FHIT: variants seen among roughly 807,000 people sequenced by gnomAD.
FHIT encodes fragile histidine triad diadenosine triphosphatase.
A neutral mutation model predicts 17.9 loss-of-function variants in FHIT; 19 were observed. That is an observed-to-expected ratio of 1.06 (90% CI 0.74 to 1.56). The LOEUF (loss-of-function observed/expected upper bound fraction) is 1.56. FHIT is among the 40% of genes most tolerant of loss of function. The pLI is 0.00. For synonymous variants in FHIT, 81 were observed against 69.7 expected (o/e 1.16, Z -0.81); for missense variants, 248 against 189.2 (o/e 1.31, Z -1.82).
chr3:60,700,096 A>G (rs1228774218), intron 4 of FHIT, among the ~76,000 whole-genome samples: 1 of 148,348 alleles, frequency 6.7e-6, no homozygotes, highest in Admixed American at 6.9e-5. Context: ...ACGCCACTGC[A>G]CTCCAGCCTG....
chr3:60,095,954 G>C (rs4679630), intron 5 of FHIT, among the ~76,000 whole-genome samples: 1 of 151,958 alleles, frequency 6.6e-6, no homozygotes, highest in East Asian at 1.9e-4. Context: ...CACCTCCCCA[G>C]GTGGCTGGCT....
At chr3:60,659,629 C>A (rs1553690552) in intron 4 of FHIT, among the ~76,000 whole-genome samples, 1 of 151,976 alleles carries the variant, frequency 6.6e-6, no homozygotes, top group African/African-American at 2.4e-5. Flanking sequence ...TTTACTTTTT[C>A]TGAATCTCTG....
intron 4 of FHIT, among the ~76,000 whole-genome samples, chr3:60,635,493 C>G (rs2039560479): frequency 1.3e-5 from 2 of 152,208 alleles, no homozygotes; most frequent in African/African-American, 4.8e-5. Flanking sequence ...TTCCCCACCT[C>G]TACTACCTGG....
intron 7 of FHIT, among the ~76,000 whole-genome samples, chr3:59,996,771 T>C (rs986622833): frequency 2.0e-5 from 3 of 152,082 alleles, no homozygotes; most frequent in East Asian, 3.9e-4. Context: ...AGAAAAGTAA[T>C]TGAGAATGTA....
At chr3:59,993,674 C>T (rs964408795) in intron 7 of FHIT, among the ~76,000 whole-genome samples, 10 of 151,838 alleles carry the variant, frequency 6.6e-5, no homozygotes, top group African/African-American at 9.7e-5. Context: ...ATGAGGCCGG[C>T]GCCACCAAAA....
chr3:60,971,797 T>TA (rs1204806744), intron 3 of FHIT, among the ~76,000 whole-genome samples: 1 of 152,128 alleles, frequency 6.6e-6, no homozygotes, highest in African/African-American at 2.4e-5. Context: ...TTCATTAAAA[T>TA]AAAAAAATAA....
intron 5 of FHIT, among the ~76,000 whole-genome samples, chr3:60,356,129 TACATTTATGAGTG>T (rs1699643147): frequency 6.6e-6 from 1 of 152,212 alleles, no homozygotes; most frequent in Middle Eastern, 3.2e-3. Flanking sequence ...AATTTTATGT[TACATTTATGAGTG>T]GTATTTAAAA....
intron 5 of FHIT, among the ~76,000 whole-genome samples, chr3:60,402,085 C>T (rs1246756020): frequency 6.6e-6 from 1 of 152,122 alleles, no homozygotes; most frequent in African/African-American, 2.4e-5. Context: ...TTCCCCCATC[C>T]CTGCCAGCTC....
rs72428863 is a variant in FHIT at position 60,129,053 on chromosome 3, G to GTT, written c.104-114903_104-114902dup. 7.5e-3 allele frequency among the ~76,000 whole-genome samples: 925 copies of GTT among 123,466 alleles called. 25 individuals carry two copies. The highest frequency in any genetic ancestry group is 0.028 in the African/African-American group (820 of 29,112). The allele number at this position is 123,466 out of a possible 152,430, so 81.0% of individuals were successfully genotyped here. On this transcript the variant is annotated intron_variant, in intron 5 of 9. Transcript: ENST00000492590. The stretch of plus-strand genomic sequence containing the variant: ...CCTTTTCTTCTTTCCTTTTTTGTTT[G>GTT]TTTTTTTTTTTTTTTTTGAAACAGA...
intron 7 of FHIT, among the ~76,000 whole-genome samples, chr3:59,956,393 G>C (rs543530539): frequency 6.6e-6 from 1 of 152,300 alleles, no homozygotes; most frequent in Admixed American, 6.5e-5. Flanking sequence ...AAAAAGGCCG[G>C]GCATGGTGGC....
chr3:59,947,517 G>A (rs1257180987), intron 7 of FHIT, among the ~76,000 whole-genome samples: 2 of 152,046 alleles, frequency 1.3e-5, no homozygotes. Context: ...ATTCAGTTTA[G>A]CTCCGATTTT....
intron 5 of FHIT, among the ~76,000 whole-genome samples, chr3:60,406,772 CCTT>C (rs1701877104): frequency 1.3e-5 from 2 of 152,110 alleles, no homozygotes; most frequent in South Asian, 2.1e-4. Context: ...TATCCCAAAA[CCTT>C]CTTCCCTAAT....
intron 2 of FHIT, among the ~76,000 whole-genome samples, chr3:61,191,277 A>G (rs907060320): frequency 6.6e-6 from 1 of 152,118 alleles, no homozygotes; most frequent in Non-Finnish European, 1.5e-5. Flanking sequence ...TTTGTTGAAC[A>G]GAAGAAAAGG....
intron 8 of FHIT, among the ~76,000 whole-genome samples, chr3:59,841,267 T>C (rs556259714): frequency 1.3e-3 from 203 of 152,270 alleles, no homozygotes; most frequent in Non-Finnish European, 2.5e-3. Context: ...ACCCATATTG[T>C]GGTAGGCACA....
chr3:59,931,485 G>A (rs1254823756), intron 7 of FHIT, among the ~76,000 whole-genome samples: 1 of 152,104 alleles, frequency 6.6e-6, no homozygotes, highest in Non-Finnish European at 1.5e-5. Flanking sequence ...TTAGTGGCCT[G>A]TCAAAATGCA....
chr3:60,490,302 C>A (rs9877308), intron 5 of FHIT, among the ~76,000 whole-genome samples: 13,732 of 151,946 alleles, frequency 0.09, 1,050 homozygotes, highest in East Asian at 0.39. Context: ...GTTACTGCTT[C>A]AAAATAAACT....
At chr3:60,094,346 G>T (rs1703852036) in intron 5 of FHIT, among the ~76,000 whole-genome samples, 1 of 151,982 alleles carries the variant, frequency 6.6e-6, no homozygotes, top group South Asian at 2.1e-4. Context: ...GGGATGACAG[G>T]TCTGCTTCAT....
chr3:59,764,942 A>T (rs537391398), intron 8 of FHIT, among the ~76,000 whole-genome samples: 2 of 150,136 alleles, frequency 1.3e-5, no homozygotes, highest in East Asian at 4.0e-4. Flanking sequence ...GTGAAAAATT[A>T]AAATGCAATG....
In FHIT at chr3:60,196,678, G is replaced by A. The variant is rs560590626; in HGVS notation, c.104-182526C>T. ...CGGAAGCAGCAATGGCCTAGGATGT[G>A]TAACATACATACATACATATAAACA... is the stretch of plus-strand genomic sequence containing the variant. On this transcript the variant is annotated intron_variant, in intron 5 of 9. Coordinates refer to ENST00000492590, the MANE Select transcript of FHIT (RefSeq NM_002012.4). Among the ~76,000 whole-genome samples the A allele has an allele frequency of 2.6e-5, 4 of 152,028 alleles. No individual in the cohort carries two copies. In the South Asian group the frequency reaches 8.3e-4, roughly 32 times the overall value.
Sources: allele counts gnomAD v4.1 joint callset (sites outside exome capture counted in the v4.1 genomes callset), GRCh38; gene constraint gnomAD v4.1.1; transcripts MANE v1.5; gene names NCBI Gene and HGNC (gene_info 2026-07-23, HGNC 2026-07-21).